DMBX1: variants seen among roughly 807,000 people sequenced by gnomAD.
DMBX1 encodes the protein diencephalon/mesencephalon homeobox 1.
A neutral mutation model predicts 30.4 loss-of-function variants in DMBX1; 7 were observed. That is an observed-to-expected ratio of 0.23 (90% confidence interval 0.13 to 0.43). The LOEUF is 0.43. Ranked by LOEUF, DMBX1 falls within the 20% of genes least tolerant of loss-of-function variation. The pLI is 1.00. For missense variants in DMBX1, 460 were observed against 508.5 expected (o/e 0.90, Z 0.92); for synonymous variants, 222 against 214.2 (o/e 1.04, Z -0.32).
rs568212446 is a variant in DMBX1 at position 46,506,462 on chromosome 1, G to A, written c.-12-537G>A. ...TATTGGTTGAATAAGTAATAAGTGT[G>A]TGAGTGAATCAATGAAGGTAAAAAT... On this transcript the variant is annotated intron_variant, in intron 2 of 5. Coordinates refer to ENST00000360032, the MANE Select transcript of DMBX1 (RefSeq NM_172225.2). Among the ~76,000 whole-genome samples, 4 of 152,342 alleles carry A rather than the reference G, an allele frequency of 2.6e-5. No individual in the cohort carries two copies. The South Asian group carries it at 6.2e-4, about 24-fold the overall frequency.
chr1:46,494,087 G>A (rs532910234), intron 2 of DMBX1, among the ~76,000 whole-genome samples: 3 of 152,320 alleles, frequency 2.0e-5, no homozygotes, highest in South Asian at 2.1e-4. Context: ...AAGTCTCCTC[G>A]ATCTCCAGTG....
At chr1:46,501,213 CCTTTCTTTCTTTCTTTCTTT>C (rs764250449) in intron 2 of DMBX1, among the ~76,000 whole-genome samples, 47 of 74,554 alleles carry the variant, frequency 6.3e-4, no homozygotes, top group Non-Finnish European at 9.6e-4. Context: ...TTCCTTCCTT[CCTTTCTTTCTTTCTTTCTTT>C]CTTTCTTTCT....
intron 5 of DMBX1, 136 bp from the exon 6 acceptor site, chr1:46,511,907 G>C: frequency 3.4e-6 from 3 of 891,352 alleles, no homozygotes; most frequent in Non-Finnish European, 5.2e-6. Flanking sequence ...TGCTCTGGCT[G>C]AGATGGGATG....
chr1:46,503,351 A>G (rs1241704104), intron 2 of DMBX1, among the ~76,000 whole-genome samples: 3 of 152,250 alleles, frequency 2.0e-5, no homozygotes, highest in Admixed American at 2.0e-4. Flanking sequence ...CGACAGTAGT[A>G]CATATATTTT....
chr1:46,499,523 T>C (rs72892800), intron 2 of DMBX1, among the ~76,000 whole-genome samples: 3,511 of 152,346 alleles, frequency 0.023, 130 homozygotes, highest in African/African-American at 0.08. Flanking sequence ...TAGCAAATTA[T>C]CCAATCTTTC....
chr1:46,491,099 C>CT lies in DMBX1; in HGVS notation c.-13+316_-13+317insT, dbSNP rs899813531. Among the ~76,000 whole-genome samples the CT allele has an allele frequency of 2.0e-5, 3 of 152,226 alleles. No individual in the cohort carries two copies. Among genetic ancestry groups the CT allele is most frequent in the Admixed American group, 2.0e-4 (3 of 15,282 alleles). On this transcript the variant is annotated intron_variant, in intron 2 of 5. Coordinates refer to ENST00000360032, the MANE Select transcript of DMBX1 (RefSeq NM_172225.2). This position sits in a 1 kb window ranked among gnomAD's most constrained non-coding sequence, Gnocchi z 5.5. ...GGCGGTCACAAATTCCCGGAACCTG[C>CT]GCAGGGGCTTCGTTGGCACTGGTGG...
In DMBX1 at chr1:46,493,095, G is replaced by A. The variant is rs892238841; in HGVS notation, c.-13+2312G>A. Among the ~76,000 whole-genome samples the A allele has an allele frequency of 2.6e-5, 4 of 151,178 alleles. No homozygotes were observed. The highest frequency in any genetic ancestry group is 4.4e-5 in the Non-Finnish European group (3 of 67,766). ...TCCCCCACCCCTGCCTTCCCATTTC[G>A]CCCCCCACCCCACCCCTTTCTCACA... On this transcript the variant is annotated intron_variant, in intron 2 of 5. Coordinates refer to ENST00000360032, the MANE Select transcript of DMBX1 (RefSeq NM_172225.2). This position sits in a 1 kb window ranked among gnomAD's most constrained non-coding sequence, Gnocchi z 4.1.
Position 46,507,508 on chromosome 1 carries a change from G to A in DMBX1, c.154+344G>A, listed in dbSNP as rs78209548. Among the ~76,000 whole-genome samples, 213 of 152,304 alleles carry A rather than the reference G, an allele frequency of 1.4e-3. 1 individual carries two copies. Among genetic ancestry groups the A allele is most frequent in the South Asian group, 0.011 (52 of 4,828 alleles). ...AGAGTATTATGGCTGGGAAGTAGCT[G>A]GAAGAGGCTGGAATGCCCAGGCAAG... On this transcript the variant is annotated intron_variant, in intron 3 of 5. Coordinates refer to ENST00000360032, the MANE Select transcript of DMBX1 (RefSeq NM_172225.2).
Position 46,512,735 on chromosome 1 carries a change from C to T in DMBX1, c.*241C>T. 1 of 504,442 alleles carries T rather than the reference C, an allele frequency of 2.0e-6. No individual in the cohort carries two copies. Among genetic ancestry groups the T allele is most frequent in the African/African-American group, 2.3e-5 (1 of 43,018 alleles). The allele number at this position is 504,442 out of a possible 1,614,324, so 31.2% of individuals were successfully genotyped here. Reference sequence around the variant, plus strand: ...AGGGAGGAGGTGAGAGGCTGGGGTGCCCCAAGCTTCCCTCGGAGAAGTGAG... The same window carrying T: ...AGGGAGGAGGTGAGAGGCTGGGGTGTCCCAAGCTTCCCTCGGAGAAGTGAG... On this transcript the variant is annotated 3_prime_UTR_variant, in exon 6 of 6. Coordinates refer to ENST00000360032, the MANE Select transcript of DMBX1 (RefSeq NM_172225.2). This position sits in a 1 kb window ranked among gnomAD's most constrained non-coding sequence, Gnocchi z 4.8.
Position 46,512,118 on chromosome 1 carries a change from C to G in DMBX1, c.758C>G (p.Ser253Trp), listed in dbSNP as rs772349460. 12 of 1,613,814 alleles carry G rather than the reference C, an allele frequency of 7.4e-6. No homozygotes were observed. In the South Asian group the frequency reaches 7.7e-5, roughly 10 times the overall value. Residue 253 changes from serine (S) to tryptophan (W), a missense_variant, in exon 6 of 6, where the codon TCG (serine) becomes TGG (tryptophan). This residue lies in a region of DMBX1 where 334 missense variants were observed against 345.1 expected (regional missense o/e 0.97). Transcript: ENST00000360032. This position sits in a 1 kb window ranked among gnomAD's most constrained non-coding sequence, Gnocchi z 4.8. ...GLLGPSHSYS[S>W]SPLSLFRLQE... ...CTGGGCCCCTCCCACTCCTATTCCT[C>G]GTCCCCGCTGAGCCTCTTCCGTCTG...
intron 2 of DMBX1, among the ~76,000 whole-genome samples, chr1:46,503,280 C>T (rs1380256561): frequency 6.6e-6 from 1 of 152,222 alleles, no homozygotes; most frequent in Admixed American, 6.5e-5. Context: ...AACAATCTCT[C>T]CTTTCCCTCT....
At position 46,510,218 on chromosome 1, in the gene DMBX1, C is replaced by T. The variant is rs1165086266; in HGVS notation, c.155-258C>T. On this transcript the variant is annotated intron_variant, in intron 3 of 5. Transcript: ENST00000360032. This position sits in a 1 kb window ranked among gnomAD's most constrained non-coding sequence, Gnocchi z 4.1. Reference sequence around the variant, plus strand: ...AATGCCAAATAATGAAGACCCCCCTCAATCATATGCCTGACAGCCATTTTT... The same window carrying T: ...AATGCCAAATAATGAAGACCCCCCTTAATCATATGCCTGACAGCCATTTTT... Among the ~76,000 whole-genome samples, 1 of 152,164 alleles carries T rather than the reference C, an allele frequency of 6.6e-6. No individual in the cohort carries two copies. The highest frequency in any genetic ancestry group is 1.5e-5 in the Non-Finnish European group (1 of 68,028).
intron 2 of DMBX1, among the ~76,000 whole-genome samples, chr1:46,492,538 G>A (rs188379117): frequency 6.6e-6 from 1 of 152,272 alleles, no homozygotes; most frequent in East Asian, 1.9e-4. Context: ...CTGGTTTGAC[G>A]ATTGGAGCAA....
chr1:46,509,372 C>A (rs1389540988), intron 3 of DMBX1, among the ~76,000 whole-genome samples: 1 of 152,116 alleles, frequency 6.6e-6, no homozygotes, highest in East Asian at 1.9e-4. Flanking sequence ...GCCTCCTCTT[C>A]CTATTTAGGG....
chr1:46,503,526 G>A (rs1412428161), intron 2 of DMBX1, among the ~76,000 whole-genome samples: 1 of 151,220 alleles, frequency 6.6e-6, no homozygotes, highest in African/African-American at 2.4e-5. Context: ...TGCTGCATGA[G>A]TAGATATCTG....
chr1:46,497,038 G>A (rs1447557448), intron 2 of DMBX1, among the ~76,000 whole-genome samples: 1 of 152,162 alleles, frequency 6.6e-6, no homozygotes, highest in Non-Finnish European at 1.5e-5. Context: ...GGCTACTCTC[G>A]ATCTCTCCCT....
In DMBX1 at chr1:46,510,835, G is replaced by C. The variant is rs895675027; in HGVS notation, c.334-100G>C. 1 of 1,356,564 alleles carries C rather than the reference G, an allele frequency of 7.4e-7. No individual in the cohort carries two copies. The highest frequency in any genetic ancestry group is 1.5e-5 in the African/African-American group (1 of 68,136). 84.0% of individuals were successfully genotyped at this position (1,356,564 alleles called of 1,614,324 possible). A position where few individuals can be genotyped will look rare whatever the true frequency, so the allele number is the denominator to read the frequency against. ...GAGGGTGTGCATTCCCTAGAGGGGT[G>C]GGGGGATGTTATCACGTACATCCTC... On this transcript the variant is annotated intron_variant, in intron 4 of 5. Coordinates refer to ENST00000360032, the MANE Select transcript of DMBX1 (RefSeq NM_172225.2). The surrounding 1 kb of genome is among the most constrained non-coding windows in gnomAD (Gnocchi z 4.1).
rs1021901567 is a variant in DMBX1 at position 46,490,752 on chromosome 1, C to T, written c.-44C>T. ...TCGGCGCTCAGCCAGCCTCTGCCCT[C>T]GAAGACGCGGCCTTGGTCTAGGAAC... On this transcript the variant is annotated 5_prime_UTR_variant, in exon 2 of 6. Coordinates refer to ENST00000360032, the MANE Select transcript of DMBX1 (RefSeq NM_172225.2). Among the ~76,000 whole-genome samples, 3 of 152,266 alleles carry T rather than the reference C, an allele frequency of 2.0e-5. No individual in the cohort carries two copies. Among genetic ancestry groups the T allele is most frequent in the Non-Finnish European group, 4.4e-5 (3 of 68,054 alleles).
Position 46,511,176 on chromosome 1 carries a change from C to T in DMBX1, c.575C>T (p.Pro192Leu), listed in dbSNP as rs375524919. The T allele has an allele frequency of 3.2e-5, 51 of 1,613,664 alleles. No individual in the cohort carries two copies. Among genetic ancestry groups the T allele is most frequent in the Middle Eastern group, 1.6e-4 (1 of 6,084 alleles). The change falls in exon 5 of 6, where the codon CCG becomes CTG. Residue 192 changes from proline to leucine, a missense_variant. Physicochemically the swap from Pro to Leu is moderately conservative, Grantham distance 98. Around this residue, in one of 3 missense-constraint regions of DMBX1, gnomAD observed 334 missense variants for 345.1 expected, o/e 0.97. Transcript: ENST00000360032. ...SASESAPEDQPDREEDPRAGA... is the reference protein window; with the variant it reads ...SASESAPEDQLDREEDPRAGA... ...AGTGAGTCAGCCCCCGAGGATCAGC[C>T]GGACCGTGAGGAGGACCCCAGGGCA... is the stretch of plus-strand genomic sequence containing the variant.
Sources: gnomAD v4.1 joint callset for allele counts (sites outside exome capture counted in the v4.1 genomes callset) on GRCh38, gnomAD v4.1.1 for gene constraint, gnomAD v4.1.1 regional missense constraint, Gnocchi (gnomAD v3.1) non-coding constraint, MANE v1.5 for transcripts, NCBI Gene and HGNC (gene_info 2026-07-23, HGNC 2026-07-21) for gene names.